CANX: variants seen among roughly 807,000 people sequenced by gnomAD.
CANX encodes epididymis secretory sperm binding protein.
Under a neutral mutation model 75.7 loss-of-function variants are expected in CANX, and 14 were observed. The observed-to-expected ratio is 0.19, with a 90% CI of 0.12 to 0.29. The LOEUF is 0.29. Among genes scored for constraint, CANX ranks in the 10% least tolerant of loss-of-function variants. The probability of loss-of-function intolerance (pLI) is 1.00; values close to 1 mark genes in which losing one functional copy is unlikely to be tolerated. For missense variants in CANX, 567 were observed against 713.2 expected, an observed-to-expected ratio of 0.79 and a Z score of 2.34; for synonymous variants, 227 against 236.9, an observed-to-expected ratio of 0.96 and a Z score of 0.38.
intron 8 of CANX, among the ~76,000 whole-genome samples, chr5:179,718,903 G>T (rs1392380244): frequency 1.3e-5 from 2 of 151,862 alleles, no homozygotes; most frequent in Non-Finnish European, 2.9e-5. Flanking sequence ...GTCCTCAGGT[G>T]ATCCACCCGC....
chr5:179,686,400 C>CTTT, intron 1 of CANX, among the ~76,000 whole-genome samples: 1 of 140,750 alleles, frequency 7.1e-6, no homozygotes, highest in African/African-American at 2.6e-5. Context: ...GCCCGGCCAT[C>CTTT]TTTTTTTTTT....
At chr5:179,722,342 C>G (rs952668545) in intron 10 of CANX, among the ~76,000 whole-genome samples, 1 of 152,230 alleles carries the variant, frequency 6.6e-6, no homozygotes, top group African/African-American at 2.4e-5. Context: ...GTCACTTTTG[C>G]TTTCAGAGTC....
upstream of CANX, chr5:179,698,815 C>T (rs932043393): frequency 2.0e-4 from 133 of 681,994 alleles, 1 homozygote; most frequent in Admixed American, 6.9e-4. Flanking sequence ...CCGTAGGGGG[C>T]GTATGGGACG....
At chr5:179,678,675 C>A in exon 1 of CANX, 1 of 1,535,822 alleles carries the variant, frequency 6.5e-7, no homozygotes, top group African/African-American at 1.4e-5. Flanking sequence ...GCGCGCGCCG[C>A]AGCCGTCGGG....
chr5:179,697,613 TTTGGGGCTGAAG>T (rs1776441510), upstream of CANX, among the ~76,000 whole-genome samples: 1 of 152,124 alleles, frequency 6.6e-6, no homozygotes, highest in African/African-American at 2.4e-5. Flanking sequence ...CTACACAAAT[TTTGGGGCTGAAG>T]TTGGGGCGCC....
intron 7 of CANX, among the ~76,000 whole-genome samples, chr5:179,713,693 G>A (rs549820153): frequency 6.6e-6 from 1 of 152,186 alleles, no homozygotes; most frequent in East Asian, 1.9e-4. Flanking sequence ...TGAGGTGGGA[G>A]GATCACTTGA....
At chr5:179,679,174 A>C (rs1241778874) in intron 1 of CANX, 26 of 1,535,118 alleles carry the variant, frequency 1.7e-5, no homozygotes, top group Non-Finnish European at 2.2e-5. Context: ...AGGTGCTCGA[A>C]GGGGAGCCTC....
chr5:179,726,146 G>A (rs1249144232), intron 13 of CANX, among the ~76,000 whole-genome samples: 1 of 151,822 alleles, frequency 6.6e-6, no homozygotes, highest in Non-Finnish European at 1.5e-5. Context: ...AAATTAGCCA[G>A]GCGTGGTGGT....
intron 1 of CANX, chr5:179,679,215 G>A: frequency 1.3e-6 from 2 of 1,534,056 alleles, no homozygotes; most frequent in South Asian, 2.4e-5. Context: ...CTGCGCTCTT[G>A]TCTCGGGAGC....
chr5:179,709,633 A>G lies in CANX; in HGVS notation c.529-240A>G, dbSNP rs138979915. On this transcript the variant is annotated intron_variant, in intron 6 of 14. Coordinates refer to ENST00000247461, the MANE Select transcript of CANX (RefSeq NM_001746.4). The stretch of plus-strand genomic sequence containing the variant: ...GGCAAGCTTATTTCTTTGTTTTATG[A>G]GGAAGCAATAACTGTCTAGATGTGT... 25 of 303,474 alleles carry G rather than the reference A, an allele frequency of 8.2e-5. No homozygotes were observed. In the East Asian group the frequency reaches 1.3e-3, roughly 16 times the overall value. The allele number at this position is 303,474 out of a possible 1,614,324, so 18.8% of individuals were successfully genotyped here. A position where few individuals can be genotyped will look rare whatever the true frequency, so the allele number is the denominator to read the frequency against.
At chr5:179,698,647 A>G (rs1393111901), upstream of CANX, 11 of 1,203,028 alleles carry the variant, frequency 9.1e-6, no homozygotes, top group Admixed American at 2.3e-5. Context: ...CGAAGGCACC[A>G]CAGCAACCGA....
chr5:179,694,645 A>G, upstream of CANX: 2 of 813,796 alleles, frequency 2.5e-6, no homozygotes, highest in East Asian at 4.8e-5. Flanking sequence ...AAGTACGAGA[A>G]GGATGTTGCT....
chr5:179,715,292 G>A (rs1246536039), intron 7 of CANX, among the ~76,000 whole-genome samples: 1 of 152,160 alleles, frequency 6.6e-6, no homozygotes, highest in African/African-American at 2.4e-5. Flanking sequence ...AACACCTTGG[G>A]AGGCTGAGGT....
chr5:179,680,173 C>G (rs1776025153), intron 1 of CANX, among the ~76,000 whole-genome samples: 1 of 151,880 alleles, frequency 6.6e-6, no homozygotes, highest in African/African-American at 2.4e-5. Context: ...CTGGGAAGAG[C>G]AGAAGAGGAA....
intron 7 of CANX, among the ~76,000 whole-genome samples, chr5:179,714,521 T>TA (rs1251532603): frequency 2.0e-5 from 3 of 149,620 alleles, no homozygotes; most frequent in African/African-American, 7.6e-5. Context: ...TTTATTTATT[T>TA]TTATTTTTTT....
At chr5:179,707,971 G>A (rs1777275027) in intron 4 of CANX, among the ~76,000 whole-genome samples, 1 of 151,998 alleles carries the variant, frequency 6.6e-6, no homozygotes, top group South Asian at 2.1e-4. Context: ...CGAGTAGTTG[G>A]GATTACAGGT....
At chr5:179,693,978 A>T (rs1776344891), upstream of CANX, among the ~76,000 whole-genome samples, 1 of 151,850 alleles carries the variant, frequency 6.6e-6, no homozygotes, top group Non-Finnish European at 1.5e-5. Context: ...TTACCAGCCT[A>T]ACTATTAAGA....
intron 10 of CANX, among the ~76,000 whole-genome samples, chr5:179,721,698 C>T (rs1226914291): frequency 6.6e-6 from 1 of 152,154 alleles, no homozygotes; most frequent in Non-Finnish European, 1.5e-5. Flanking sequence ...AATGTACACC[C>T]TCAGACCTTT....
intron 4 of CANX, 60 bp downstream of exon 4, chr5:179,707,250 T>C: frequency 1.1e-6 from 1 of 942,798 alleles, no homozygotes; most frequent in Non-Finnish European, 1.8e-6. Flanking sequence ...GTTGTCTCCA[T>C]GGCATTTCCT....
Sources: allele counts gnomAD v4.1 joint callset (sites outside exome capture counted in the v4.1 genomes callset), GRCh38; gene constraint gnomAD v4.1.1; transcripts MANE v1.5; gene names NCBI Gene and HGNC (gene_info 2026-07-23, HGNC 2026-07-21).